Variants in RANBP17 observed in about 807,000 individuals in gnomAD.
The protein encoded by RANBP17 is ran-binding protein 17.
In RANBP17, 158 loss-of-function variants were observed where a neutral mutation model predicts 141.2. The ratio of observed to expected loss-of-function variants is 1.12; its 90% confidence interval spans 0.98 to 1.28. The LOEUF is 1.28. Ranked by LOEUF, RANBP17 falls within the 50% of genes most tolerant of loss-of-function variation. The pLI is 0.00. For missense variants in RANBP17, 1,438 were observed against 1,290.7 expected, an observed-to-expected ratio of 1.11 and a Z score of -1.75; for synonymous variants, 430 against 450.0, an observed-to-expected ratio of 0.96 and a Z score of 0.56.
intron 14 of RANBP17, among the ~76,000 whole-genome samples, chr5:170,982,757 G>GAA (rs1271980353): frequency 6.6e-6 from 1 of 152,134 alleles, no homozygotes; most frequent in Non-Finnish European, 1.5e-5. Flanking sequence ...CAAAGTGAGT[G>GAA]AAAGAAGATC....
At chr5:170,896,276 TTAAG>T in intron 5 of RANBP17, 161 bp downstream of exon 5, 2 of 578,686 alleles carry the variant, frequency 3.5e-6, no homozygotes, top group Non-Finnish European at 6.1e-6. Context: ...GATGGGCTAA[TTAAG>T]TGGTGGAATA....
chr5:170,956,605 C>T (rs1177196231), intron 13 of RANBP17, among the ~76,000 whole-genome samples: 1 of 151,852 alleles, frequency 6.6e-6, no homozygotes, highest in Non-Finnish European at 1.5e-5. Flanking sequence ...CATATGCCAC[C>T]ACGCCTGGCT....
chr5:171,237,787 T>C (rs1415366790), intron 22 of RANBP17, among the ~76,000 whole-genome samples: 2 of 151,968 alleles, frequency 1.3e-5, no homozygotes, highest in Admixed American at 6.6e-5. Context: ...AGGAAGGAAA[T>C]GCTGACAAGG....
At chr5:171,062,731 C>T (rs1561609222) in intron 14 of RANBP17, among the ~76,000 whole-genome samples, 1 of 152,178 alleles carries the variant, frequency 6.6e-6, no homozygotes, top group African/African-American at 2.4e-5. Context: ...GGGAAGTTCT[C>T]CTGGATAATA....
chr5:171,067,845 G>A (rs1784400019), intron 14 of RANBP17, among the ~76,000 whole-genome samples: 1 of 152,032 alleles, frequency 6.6e-6, no homozygotes, highest in African/African-American at 2.4e-5. Context: ...TCTTTATAAT[G>A]TGTCTTTGTG....
In RANBP17 at chr5:170,895,908, T is replaced by A. The variant is rs946103038; in HGVS notation, c.424-142T>A. 2.1e-5 allele frequency: 9 copies of A among 435,072 alleles called. No homozygotes were observed. The Admixed American group carries it at 3.4e-4, about 17-fold the overall frequency. The allele number at this position is 435,072 out of a possible 1,614,324, so 27.0% of individuals were successfully genotyped here. A position where few individuals can be genotyped will look rare whatever the true frequency, so the allele number is the denominator to read the frequency against. ...TAGAACTCATAGCGATTTTTCTTTA[T>A]ATTTTATAATTTTGTTTCCATTTTA... On this transcript the variant is annotated intron_variant, in intron 4 of 27. Transcript: ENST00000523189.
rs142344991 is a variant in RANBP17, at chr5:170,887,962, C to T, written c.257-4425C>T. On this transcript the variant is annotated intron_variant, in intron 3 of 27. Coordinates refer to ENST00000523189, the MANE Select transcript of RANBP17 (RefSeq NM_022897.5). ...GTGTACTCATCTCTTAAAGATCCTGCCTCTTAAGATGTTACAGTGGCAGTT... is the reference window on the plus strand; with the variant it reads ...GTGTACTCATCTCTTAAAGATCCTGTCTCTTAAGATGTTACAGTGGCAGTT... Among the ~76,000 whole-genome samples, 65 of 152,220 alleles carry T rather than the reference C, an allele frequency of 4.3e-4. 1 individual carries two copies. The highest frequency in any genetic ancestry group is 1.4e-3 in the African/African-American group (59 of 41,530).
chr5:171,154,869 G>A (rs999923674), intron 14 of RANBP17, among the ~76,000 whole-genome samples: 26 of 151,678 alleles, frequency 1.7e-4, no homozygotes, highest in Non-Finnish European at 3.2e-4. Flanking sequence ...GAGGTCAGGC[G>A]TTTTGAGACT....
At chr5:171,107,929 G>T (rs577760210) in intron 14 of RANBP17, among the ~76,000 whole-genome samples, 1 of 152,288 alleles carries the variant, frequency 6.6e-6, no homozygotes, top group South Asian at 2.1e-4. Context: ...TCTTCATTAG[G>T]AAGGCACAGA....
Position 170,968,774 on chromosome 5 carries a change from A to G in RANBP17, c.1710+397A>G, listed in dbSNP as rs1300207131. ...TTCACTAATTTCTTGGCATTTGTAC[A>G]TGATTAAATAATGAGGACTAGGAAA... On this transcript the variant is annotated intron_variant, in intron 14 of 27. Coordinates refer to ENST00000523189, the MANE Select transcript of RANBP17 (RefSeq NM_022897.5). The G allele has an allele frequency of 1.1e-5, 5 of 452,112 alleles. No homozygotes were observed. In the East Asian group the frequency reaches 2.1e-4, roughly 19 times the overall value. The allele number at this position is 452,112 out of a possible 1,614,324, so 28.0% of individuals were successfully genotyped here.
chr5:171,083,449 A>C (rs1364558496), intron 14 of RANBP17, among the ~76,000 whole-genome samples: 1 of 152,174 alleles, frequency 6.6e-6, no homozygotes, highest in Non-Finnish European at 1.5e-5. Flanking sequence ...AGCTGTGAGA[A>C]ATAAATTTCT....
At chr5:170,936,825 A>G (rs548822771) in intron 12 of RANBP17, among the ~76,000 whole-genome samples, 5 of 152,284 alleles carry the variant, frequency 3.3e-5, no homozygotes, top group Middle Eastern at 6.8e-3. Context: ...TCCAGTTATG[A>G]TTGTGGAATT....
intron 14 of RANBP17, among the ~76,000 whole-genome samples, chr5:171,065,194 T>G (rs1259913956): frequency 1.3e-5 from 2 of 152,106 alleles, no homozygotes; most frequent in African/African-American, 4.8e-5. Context: ...ATGAATCTAC[T>G]TTTACCTTTT....
At chr5:170,972,776 G>T (rs1394120676) in intron 14 of RANBP17, among the ~76,000 whole-genome samples, 1 of 152,036 alleles carries the variant, frequency 6.6e-6, no homozygotes, top group Non-Finnish European at 1.5e-5. Flanking sequence ...TTATTAGGTT[G>T]CCTTCCTAAG....
intron 14 of RANBP17, among the ~76,000 whole-genome samples, chr5:171,060,925 T>G (rs1783788597): frequency 3.5e-5 from 5 of 144,440 alleles, no homozygotes; most frequent in African/African-American, 1.3e-4. Flanking sequence ...TATCCATTTC[T>G]TCTAGATTTT....
chr5:170,926,679 G>A (rs1360862392), intron 12 of RANBP17, among the ~76,000 whole-genome samples: 2 of 147,932 alleles, frequency 1.4e-5, no homozygotes, highest in East Asian at 2.0e-4. Flanking sequence ...TTTTGAAGAG[G>A]TAATGTATTT....
At chr5:171,254,780 G>A (rs187762424) in intron 24 of RANBP17, among the ~76,000 whole-genome samples, 1 of 152,220 alleles carries the variant, frequency 6.6e-6, no homozygotes, top group Admixed American at 6.5e-5. Flanking sequence ...GGCGTTGGAT[G>A]TTCTTTATTA....
At position 170,885,170 on chromosome 5, in the gene RANBP17, A is replaced by G. The variant is rs1581050856; in HGVS notation, c.256+3274A>G. Among the ~76,000 whole-genome samples, 4 of 152,330 alleles carry G rather than the reference A, an allele frequency of 2.6e-5. No individual in the cohort carries two copies. The East Asian group carries it at 7.7e-4, about 29-fold the overall frequency. ...ATTTTCAGCTGACTTTAGCTATAGT[A>G]TACAGTAGGTTAAGACTCATGTCTA... On this transcript the variant is annotated intron_variant, in intron 3 of 27. Coordinates refer to ENST00000523189, the MANE Select transcript of RANBP17 (RefSeq NM_022897.5).
intron 14 of RANBP17, among the ~76,000 whole-genome samples, chr5:171,017,745 C>G (rs910041260): frequency 2.0e-5 from 3 of 152,140 alleles, no homozygotes; most frequent in Non-Finnish European, 2.9e-5. Context: ...TGTGCAGAAG[C>G]TCTTTAGTTT....
Sources: gnomAD v4.1 joint callset for allele counts (sites outside exome capture counted in the v4.1 genomes callset) on GRCh38, gnomAD v4.1.1 for gene constraint, MANE v1.5 for transcripts, NCBI Gene and HGNC (gene_info 2026-07-23, HGNC 2026-07-21) for gene names.